ARHGEF18: variants seen among roughly 807,000 people sequenced by gnomAD.
ARHGEF18 encodes the protein Rho/Rac guanine nucleotide exchange factor 18.
A neutral mutation model predicts 155.7 loss-of-function variants in ARHGEF18; 93 were observed. The ratio of observed to expected loss-of-function variants is 0.60; its 90% confidence interval spans 0.50 to 0.71. The LOEUF (loss-of-function observed/expected upper bound fraction) is 0.71, where lower values mean the gene tolerates loss of function less well. Among genes scored for constraint, ARHGEF18 ranks in the 30% least tolerant of loss-of-function variants. ARHGEF18 has a pLI of 0.00. For missense variants in ARHGEF18, 1,593 were observed against 1,816.1 expected (o/e 0.88, Z 2.23); for synonymous variants, 742 against 753.1 (o/e 0.99, Z 0.24).
chr19:7,428,579 G>A (rs191103310), intron 10 of ARHGEF18, among the ~76,000 whole-genome samples: 2 of 152,144 alleles, frequency 1.3e-5, no homozygotes, highest in East Asian at 3.9e-4. Flanking sequence ...CCCTGAAGGT[G>A]GCTGTTGTCT....
At position 7,470,726 on chromosome 19, in the gene ARHGEF18, C is replaced by T. The variant is rs1215556727; in HGVS notation, c.*428C>T. 10 of 400,670 alleles carry T rather than the reference C, an allele frequency of 2.5e-5. No homozygotes were observed. Among genetic ancestry groups the T allele is most frequent in the African/African-American group, 8.2e-5 (4 of 48,780 alleles). The allele number at this position is 400,670 out of a possible 1,614,324, so 24.8% of individuals were successfully genotyped here. A position where few individuals can be genotyped will look rare whatever the true frequency, so the allele number is the denominator to read the frequency against. ...GAGAAGGAGCTGCCGGCCGGGGCCACGCTCCACAGCCGCCGCGCGACAGTG... is the reference window on the plus strand; with the variant it reads ...GAGAAGGAGCTGCCGGCCGGGGCCATGCTCCACAGCCGCCGCGCGACAGTG... On this transcript the variant is annotated 3_prime_UTR_variant, in exon 29 of 29. Transcript: ENST00000668164. This position sits in a 1 kb window ranked among gnomAD's most constrained non-coding sequence, Gnocchi z 5.9.
intron 10 of ARHGEF18, among the ~76,000 whole-genome samples, chr19:7,388,836 C>G (rs1008774464): frequency 5.9e-5 from 9 of 152,070 alleles, no homozygotes; most frequent in African/African-American, 2.2e-4. Context: ...CCCCCTCAGC[C>G]TTCCAAAATG....
chr19:7,430,515 A>G (rs1973894871), intron 10 of ARHGEF18, among the ~76,000 whole-genome samples: 1 of 152,112 alleles, frequency 6.6e-6, no homozygotes, highest in Non-Finnish European at 1.5e-5. Context: ...ACAGCTCCCA[A>G]AATTAACACA....
chr19:7,387,199 C>G (rs1007102974), intron 10 of ARHGEF18, among the ~76,000 whole-genome samples: 2 of 152,110 alleles, frequency 1.3e-5, no homozygotes, highest in African/African-American at 2.4e-5. Context: ...GTTGCCCAGG[C>G]TGGAGTACGG....
At chr19:7,351,067 G>T (rs923312860) in intron 1 of ARHGEF18, among the ~76,000 whole-genome samples, 2 of 152,166 alleles carry the variant, frequency 1.3e-5, no homozygotes, top group Non-Finnish European at 2.9e-5. Flanking sequence ...GCCTCCCAAA[G>T]TGCTGGGATT....
At chr19:7,385,368 T>G (rs937857979) in intron 10 of ARHGEF18, among the ~76,000 whole-genome samples, 1 of 152,012 alleles carries the variant, frequency 6.6e-6, no homozygotes, top group Non-Finnish European at 1.5e-5. Flanking sequence ...CTTTAAACTC[T>G]GATTTGGGGT....
intron 10 of ARHGEF18, among the ~76,000 whole-genome samples, chr19:7,407,824 G>A (rs972816172): frequency 6.6e-6 from 1 of 151,924 alleles, no homozygotes; most frequent in Non-Finnish European, 1.5e-5. Context: ...CTAGCCGGGC[G>A]TGGTGGCCGC....
rs2145420179 is a variant in ARHGEF18, at chr19:7,376,796, AG to A, written c.541+42del. ...GAGTTTCCTTCATTCAAACCAAGTC[AG>A]GGAAAGAGGAGCCTGGCCAACATGG... is the stretch of plus-strand genomic sequence containing the variant. On this transcript the variant is annotated intron_variant, in intron 5 of 28. Transcript: ENST00000668164. 6 of 1,203,936 alleles carry A rather than the reference AG, an allele frequency of 5.0e-6. No homozygotes were observed. The South Asian group carries it at 2.5e-4, about 51-fold the overall frequency. The allele number at this position is 1,203,936 out of a possible 1,614,324, so 74.6% of individuals were successfully genotyped here. A position where few individuals can be genotyped will look rare whatever the true frequency, so the allele number is the denominator to read the frequency against.
intron 2 of ARHGEF18, among the ~76,000 whole-genome samples, chr19:7,367,677 T>C (rs111868831): frequency 0.096 from 13,666 of 142,556 alleles, 1,810 homozygotes; most frequent in African/African-American, 0.32. Flanking sequence ...ACCCAGGAGG[T>C]GGAGGTTGCA....
At chr19:7,401,125 C>T (rs11879232) in intron 10 of ARHGEF18, among the ~76,000 whole-genome samples, 6,834 of 152,178 alleles carry the variant, frequency 0.045, 472 homozygotes, top group African/African-American at 0.15. Flanking sequence ...TGGATAGTGA[C>T]GGACCAGGTA....
At chr19:7,351,110 A>C (rs1465477954) in intron 1 of ARHGEF18, among the ~76,000 whole-genome samples, 1 of 151,738 alleles carries the variant, frequency 6.6e-6, no homozygotes, top group Admixed American at 6.6e-5. Flanking sequence ...AGCCTTTATG[A>C]AGTTTGGTCT....
chr19:7,382,204 G>A (rs1296464431), intron 8 of ARHGEF18, among the ~76,000 whole-genome samples: 1 of 151,966 alleles, frequency 6.6e-6, no homozygotes, highest in East Asian at 1.9e-4. Flanking sequence ...CCTAAGCCTG[G>A]CCAACACGGT....
At position 7,394,883 on chromosome 19, in the gene ARHGEF18, C is replaced by G. The variant is rs546631981; in HGVS notation, c.967+11680C>G. ...GCTCGCATTGCTCTCCTTCAAAAAG[C>G]CCCCCAACCCCGCTGACCCGCCCCT... On this transcript the variant is annotated intron_variant, in intron 10 of 28. Transcript: ENST00000668164. 48 of 183,428 alleles carry G rather than the reference C, an allele frequency of 2.6e-4. 1 individual carries two copies. The highest frequency in any genetic ancestry group is 3.8e-4 in the Non-Finnish European group (37 of 96,772). 11.4% of individuals were successfully genotyped at this position (183,428 alleles called of 1,614,324 possible).
Position 7,444,161 on chromosome 19 carries a change from G to A in ARHGEF18, c.1361-43G>A, listed in dbSNP as rs768859946. 17 of 1,599,376 alleles carry A rather than the reference G, an allele frequency of 1.1e-5. No individual in the cohort carries two copies. Among genetic ancestry groups the A allele is most frequent in the Non-Finnish European group, 1.4e-5 (16 of 1,170,272 alleles). On this transcript the variant is annotated intron_variant, in intron 13 of 28. Coordinates refer to ENST00000668164, the MANE Select transcript of ARHGEF18 (RefSeq NM_001367823.1). This position sits in a 1 kb window ranked among gnomAD's most constrained non-coding sequence, Gnocchi z 4.7. ...GCACCCACGACTGCCCAGCGGGGCCGTGGAGCCAGCATGGCTAAGTCCTGC... is the reference window on the plus strand; with the variant it reads ...GCACCCACGACTGCCCAGCGGGGCCATGGAGCCAGCATGGCTAAGTCCTGC...
At chr19:7,475,523 T>G (rs1977208215), downstream of ARHGEF18, among the ~76,000 whole-genome samples, 1 of 124,088 alleles carries the variant, frequency 8.1e-6, no homozygotes, top group Non-Finnish European at 1.8e-5. Context: ...TAAAACTGTT[T>G]AAACACACAC....
chr19:7,358,252 CCCATTCTTCCAT>C (rs1188894620), intron 1 of ARHGEF18, among the ~76,000 whole-genome samples: 4,695 of 34,082 alleles, frequency 0.14, 264 homozygotes, highest in African/African-American at 0.22. Flanking sequence ...CACCCATCCA[CCCATTCTTCCAT>C]CCATTCTTCC....
chr19:7,355,132 T>G (rs1041092507), intron 1 of ARHGEF18, among the ~76,000 whole-genome samples: 2 of 147,836 alleles, frequency 1.4e-5, no homozygotes, highest in African/African-American at 5.1e-5. Flanking sequence ...ACAGAGACAC[T>G]TTTAAAACTA....
intron 13 of ARHGEF18, among the ~76,000 whole-genome samples, chr19:7,443,124 T>G (rs1974773794): frequency 6.9e-6 from 1 of 145,862 alleles, no homozygotes; most frequent in South Asian, 2.2e-4. Flanking sequence ...GTGCAGTGGT[T>G]CCATCTCGGC....
intron 10 of ARHGEF18, among the ~76,000 whole-genome samples, chr19:7,409,330 A>AC (rs1484331416): frequency 1.3e-5 from 2 of 149,474 alleles, no homozygotes; most frequent in Non-Finnish European, 3.0e-5. Flanking sequence ...TGTTTCTTAA[A>AC]AAAAAAAAAA....
Sources: gnomAD v4.1 joint callset for allele counts (sites outside exome capture counted in the v4.1 genomes callset) on GRCh38, gnomAD v4.1.1 for gene constraint, Gnocchi (gnomAD v3.1) non-coding constraint, MANE v1.5 for transcripts, NCBI Gene and HGNC (gene_info 2026-07-23, HGNC 2026-07-21) for gene names.